IGF2BP3: variants seen among roughly 807,000 people sequenced by gnomAD.
IGF2BP3 encodes insulin like growth factor 2 mRNA binding protein 3.
Under a neutral mutation model 73.8 loss-of-function variants are expected in IGF2BP3, and 9 were observed. The observed-to-expected ratio is 0.12, with a 90% confidence interval of 0.07 to 0.21. The LOEUF is 0.21. Ranked by LOEUF, IGF2BP3 falls within the 10% of genes least tolerant of loss-of-function variation. The pLI is 1.00. For missense variants in IGF2BP3, 542 were observed against 714.0 expected, an observed-to-expected ratio of 0.76 and a Z score of 2.75; for synonymous variants, 258 against 256.7, an observed-to-expected ratio of 1.01 and a Z score of -0.05.
intron 3 of IGF2BP3, among the ~76,000 whole-genome samples, chr7:23,369,609 C>T (rs1239175179): frequency 3.9e-5 from 6 of 151,912 alleles, no homozygotes; most frequent in Non-Finnish European, 8.8e-5. Context: ...AAATTTGATT[C>T]ACTTTGACAT....
At chr7:23,385,736 A>AT (rs61099833) in intron 3 of IGF2BP3, among the ~76,000 whole-genome samples, 8,831 of 147,600 alleles carry the variant, frequency 0.06, 829 homozygotes, top group African/African-American at 0.2. Flanking sequence ...TTTTTTTATT[A>AT]TTTTTTTTTT....
chr7:23,372,719 C>G (rs967103737), intron 3 of IGF2BP3, among the ~76,000 whole-genome samples: 1 of 152,190 alleles, frequency 6.6e-6, no homozygotes, highest in Non-Finnish European at 1.5e-5. Context: ...TCCACTCATC[C>G]TTTAAGGCCA....
At position 23,351,786 on chromosome 7, in the gene IGF2BP3, C is replaced by T. The variant is rs74556574; in HGVS notation, c.402-200G>A. Reference sequence around the variant, plus strand: ...ACCACCACCACCCACACACATTTTCCTTTGAGACAGGCACAGTGGGGAAAA... The same window carrying T: ...ACCACCACCACCCACACACATTTTCTTTTGAGACAGGCACAGTGGGGAAAA... On this transcript the variant is annotated intron_variant, in intron 5 of 14. Transcript: ENST00000258729. Among the ~76,000 whole-genome samples, 9,122 of 152,232 alleles carry T rather than the reference C, an allele frequency of 0.06. 923 individuals carry two copies. Among genetic ancestry groups the T allele is most frequent in the African/African-American group, 0.21 (8,629 of 41,504 alleles).
At chr7:23,337,400 C>CTT (rs1395843224) in intron 10 of IGF2BP3, among the ~76,000 whole-genome samples, 2 of 152,220 alleles carry the variant, frequency 1.3e-5, no homozygotes, top group Non-Finnish European at 2.9e-5. Context: ...TTAGATTCTG[C>CTT]TTTTTGAGAG....
intron 8 of IGF2BP3, among the ~76,000 whole-genome samples, chr7:23,344,152 C>T (rs1347122117): frequency 6.6e-6 from 1 of 152,148 alleles, no homozygotes; most frequent in African/African-American, 2.4e-5. Context: ...TAAAGTTGAA[C>T]CATTTTCACA....
chr7:23,316,686 A>AGAG (rs1351920908), intron 12 of IGF2BP3, among the ~76,000 whole-genome samples: 2 of 151,614 alleles, frequency 1.3e-5, no homozygotes, highest in Admixed American at 1.3e-4. Flanking sequence ...AAAAAAAAAA[A>AGAG]AAAAAAAAGA....
intron 3 of IGF2BP3, among the ~76,000 whole-genome samples, chr7:23,395,385 C>T (rs1051932392): frequency 1.3e-5 from 2 of 151,860 alleles, no homozygotes; most frequent in African/African-American, 4.8e-5. Flanking sequence ...CATTTGCCAC[C>T]ACCAAAAAAT....
At position 23,312,359 on chromosome 7, in the gene IGF2BP3, C is replaced by A. The variant is rs1460102921; in HGVS notation, c.*3G>T. On this transcript the variant is annotated 3_prime_UTR_variant, in exon 15 of 15. Coordinates refer to ENST00000258729, the MANE Select transcript of IGF2BP3 (RefSeq NM_006547.3). Reference sequence around the variant, plus strand: ...CCTCTGTGGTGGGCTGTTTCCTGAGCCTTTACTTCCGTCTTGACTGAGGTG... The same window carrying A: ...CCTCTGTGGTGGGCTGTTTCCTGAGACTTTACTTCCGTCTTGACTGAGGTG... 3 of 1,606,666 alleles carry A rather than the reference C, an allele frequency of 1.9e-6. No individual in the cohort carries two copies. The East Asian group carries it at 6.7e-5, about 36-fold the overall frequency.
chr7:23,326,384 C>T (rs376728387), intron 10 of IGF2BP3, among the ~76,000 whole-genome samples: 5 of 152,140 alleles, frequency 3.3e-5, no homozygotes, highest in African/African-American at 4.8e-5. Flanking sequence ...CTCACACCAG[C>T]TAGAATGGCA....
chr7:23,387,848 G>A (rs747917451), intron 3 of IGF2BP3, among the ~76,000 whole-genome samples: 10 of 152,176 alleles, frequency 6.6e-5, no homozygotes, highest in Non-Finnish European at 1.5e-4. Context: ...ATTTTAGAAT[G>A]GCTAATATTA....
At chr7:23,342,000 C>T (rs1331747927) in intron 10 of IGF2BP3, 64 bp downstream of exon 10, 8 of 1,458,678 alleles carry the variant, frequency 5.5e-6, no homozygotes, top group African/African-American at 4.3e-5. Context: ...GATGATCACG[C>T]GGGGACTAGG....
At chr7:23,381,394 A>G (rs1785906151) in intron 3 of IGF2BP3, among the ~76,000 whole-genome samples, 3 of 152,222 alleles carry the variant, frequency 2.0e-5, no homozygotes, top group Admixed American at 1.3e-4. Flanking sequence ...CGTTTCTCAA[A>G]AAGTCACCAC....
chr7:23,317,558 C>T (rs1784024607), intron 12 of IGF2BP3, 81 bp downstream of exon 12: 1 of 959,162 alleles, frequency 1.0e-6, no homozygotes, highest in East Asian at 2.4e-5. Context: ...GAGATTTAGA[C>T]ATATTTAAGG....
chr7:23,376,062 T>C (rs747872972), intron 3 of IGF2BP3, among the ~76,000 whole-genome samples: 13 of 152,184 alleles, frequency 8.5e-5, no homozygotes, highest in Non-Finnish European at 1.5e-4. Flanking sequence ...TGAAAACACA[T>C]GATTTGGTAA....
intron 10 of IGF2BP3, among the ~76,000 whole-genome samples, chr7:23,339,166 T>C (rs1433927486): frequency 2.6e-5 from 4 of 152,264 alleles, no homozygotes; most frequent in African/African-American, 7.2e-5. Flanking sequence ...CCTATTTGAT[T>C]TAGCTTAAAT....
At chr7:23,340,964 C>T (rs1024934042) in intron 10 of IGF2BP3, among the ~76,000 whole-genome samples, 2 of 151,822 alleles carry the variant, frequency 1.3e-5, no homozygotes, top group African/African-American at 4.8e-5. Context: ...ATTCTCCTGC[C>T]TCAGCCTCCC....
intron 12 of IGF2BP3, among the ~76,000 whole-genome samples, chr7:23,315,856 A>C (rs1182312924): frequency 6.6e-6 from 1 of 152,236 alleles, no homozygotes; most frequent in African/African-American, 2.4e-5. Flanking sequence ...CACATAAATA[A>C]AATTTAACTA....
intron 3 of IGF2BP3, among the ~76,000 whole-genome samples, chr7:23,412,108 G>C (rs894815985): frequency 1.3e-5 from 2 of 149,746 alleles, no homozygotes; most frequent in African/African-American, 4.9e-5. Context: ...TCAGCCTCCT[G>C]AGTAGCTAAG....
intron 3 of IGF2BP3, among the ~76,000 whole-genome samples, chr7:23,403,340 T>C (rs776134593): frequency 6.6e-6 from 1 of 152,356 alleles, no homozygotes. Context: ...GCCTAAACTC[T>C]GATCATGCCT....
Sources: allele counts gnomAD v4.1 joint callset (sites outside exome capture counted in the v4.1 genomes callset), GRCh38; gene constraint gnomAD v4.1.1; transcripts MANE v1.5; gene names NCBI Gene and HGNC (gene_info 2026-07-23, HGNC 2026-07-21).